CCSER1: variants seen among roughly 807,000 people sequenced by gnomAD.
CCSER1 encodes the protein coiled-coil serine rich protein 1.
Under a neutral mutation model 82.0 loss-of-function variants are expected in CCSER1, and 41 were observed. The ratio of observed to expected loss-of-function variants is 0.50; its 90% CI spans 0.39 to 0.65. The LOEUF (loss-of-function observed/expected upper bound fraction) is 0.65, where lower values mean the gene tolerates loss of function less well. Among genes scored for constraint, CCSER1 ranks in the 30% least tolerant of loss-of-function variants. CCSER1 has a pLI of 0.00. For missense variants in CCSER1, 1,119 were observed against 1,064.2 expected (o/e 1.05, Z -0.72); for synonymous variants, 414 against 383.9 (o/e 1.08, Z -0.92).
intron 7 of CCSER1, among the ~76,000 whole-genome samples, chr4:90,805,554 A>G (rs908338593): frequency 6.6e-6 from 1 of 152,194 alleles, no homozygotes; most frequent in African/African-American, 2.4e-5. Context: ...AGTCAATAAG[A>G]CTAGCCAAGA....
chr4:90,251,260 G>T (rs1022467849), intron 1 of CCSER1, among the ~76,000 whole-genome samples: 1 of 151,646 alleles, frequency 6.6e-6, no homozygotes, highest in Non-Finnish European at 1.5e-5. Context: ...AGAATGTTCG[G>T]TATAATAATG....
chr4:91,386,079 T>C (rs1751266508), intron 10 of CCSER1, among the ~76,000 whole-genome samples: 3 of 151,618 alleles, frequency 2.0e-5, no homozygotes, highest in Admixed American at 2.0e-4. Context: ...CCAAGAATAA[T>C]GAGCACTTTT....
chr4:90,347,348 T>TCTATCTATCTAC (rs1371852287), intron 3 of CCSER1, among the ~76,000 whole-genome samples: 1 of 151,532 alleles, frequency 6.6e-6, no homozygotes. Context: ...TATCTATCTA[T>TCTATCTATCTAC]CTATATACTT....
intron 6 of CCSER1, among the ~76,000 whole-genome samples, chr4:90,664,111 C>A (rs991243182): frequency 6.6e-6 from 1 of 151,924 alleles, no homozygotes; most frequent in Non-Finnish European, 1.5e-5. Flanking sequence ...TGTATGAGAC[C>A]GGCTTTTAAG....
intron 8 of CCSER1, among the ~76,000 whole-genome samples, chr4:90,851,874 C>T (rs1005254624): frequency 6.6e-6 from 1 of 152,066 alleles, no homozygotes; most frequent in Non-Finnish European, 1.5e-5. Context: ...TAATATTACT[C>T]CTCAGTTTTT....
chr4:91,340,659 TATAG>T (rs1420586773), intron 10 of CCSER1, among the ~76,000 whole-genome samples: 1 of 152,126 alleles, frequency 6.6e-6, no homozygotes, highest in African/African-American at 2.4e-5. Context: ...GATAATATAT[TATAG>T]ATAATTACAG....
intron 7 of CCSER1, among the ~76,000 whole-genome samples, chr4:90,794,845 G>A (rs543119694): frequency 2.6e-5 from 4 of 152,094 alleles, no homozygotes; most frequent in Non-Finnish European, 4.4e-5. Flanking sequence ...TGATTTCTTC[G>A]AGAAGTGTTT....
At chr4:91,464,960 AAC>A (rs778308175) in intron 10 of CCSER1, among the ~76,000 whole-genome samples, 5 of 152,300 alleles carry the variant, frequency 3.3e-5, no homozygotes, top group African/African-American at 4.8e-5. Flanking sequence ...ACAGAAAGTG[AAC>A]AAGGATATCC....
chr4:90,461,601 A>G (rs1399808285), intron 4 of CCSER1, among the ~76,000 whole-genome samples: 2 of 152,102 alleles, frequency 1.3e-5, no homozygotes, highest in Non-Finnish European at 2.9e-5. Flanking sequence ...CAATATATAT[A>G]TAACATTTTC....
At chr4:91,168,646 T>A (rs1217864555) in intron 10 of CCSER1, among the ~76,000 whole-genome samples, 1 of 151,902 alleles carries the variant, frequency 6.6e-6, no homozygotes, top group African/African-American at 2.4e-5. Context: ...TTCTGGGAAG[T>A]GAGGAGTGCC....
intron 10 of CCSER1, among the ~76,000 whole-genome samples, chr4:91,331,713 T>G (rs747865397): frequency 2.0e-5 from 3 of 152,130 alleles, no homozygotes; most frequent in Non-Finnish European, 4.4e-5. Context: ...TAAAAAGATG[T>G]CAATTGATAA....
In CCSER1 at chr4:90,740,654, AATAATGG is replaced by A. The variant is rs1561050623; in HGVS notation, c.2010+16664_2010+16670del. Among the ~76,000 whole-genome samples the A allele has an allele frequency of 2.0e-5, 3 of 152,176 alleles. No individual in the cohort carries two copies. In the East Asian group the frequency reaches 5.8e-4, roughly 29 times the overall value. ...CTTGTCAACATTAATACATACTAAA[AATAATGG>A]CATACCTCTTCTTCCTTCTACAGTT... is the stretch of plus-strand genomic sequence containing the variant. On this transcript the variant is annotated intron_variant, in intron 7 of 10. Coordinates refer to ENST00000509176, the MANE Select transcript of CCSER1 (RefSeq NM_001145065.2).
intron 3 of CCSER1, among the ~76,000 whole-genome samples, chr4:90,343,050 A>G (rs183276543): frequency 3.5e-4 from 53 of 151,986 alleles, no homozygotes; most frequent in African/African-American, 1.2e-3. Context: ...TCAATTCTCA[A>G]TTGATGATAA....
chr4:90,710,329 T>A (rs2149321581), intron 6 of CCSER1, among the ~76,000 whole-genome samples: 1 of 152,262 alleles, frequency 6.6e-6, no homozygotes. Context: ...AGTTCTTTAG[T>A]TTAATTACAT....
At chr4:90,332,372 G>T (rs1739465581) in intron 3 of CCSER1, among the ~76,000 whole-genome samples, 1 of 152,022 alleles carries the variant, frequency 6.6e-6, no homozygotes, top group South Asian at 2.1e-4. Flanking sequence ...ACGTAGCTGG[G>T]ATTACAAGCG....
chr4:90,562,852 TAAA>T (rs200689531), intron 5 of CCSER1, among the ~76,000 whole-genome samples: 15 of 137,304 alleles, frequency 1.1e-4, no homozygotes, highest in African/African-American at 3.5e-4. Context: ...TTTTTTTTTT[TAAA>T]AAAAAAAAAA....
chr4:91,385,869 G>A (rs954133736), intron 10 of CCSER1, among the ~76,000 whole-genome samples: 1 of 151,944 alleles, frequency 6.6e-6, no homozygotes, highest in African/African-American at 2.4e-5. Context: ...TGGAATTAAT[G>A]TTATCAGTAA....
rs893985645 is a variant in CCSER1 at position 91,599,217 on chromosome 4, G to GTT, written c.*169_*170dup. ...CTTAGTCATAAACAAAGACTTGTGGGTTTTTTTTTTCCAAGAGTGAAAGTT... is the reference window on the plus strand; with the variant it reads ...CTTAGTCATAAACAAAGACTTGTGGGTTTTTTTTTTTTCCAAGAGTGAAAGTT... On this transcript the variant is annotated 3_prime_UTR_variant, in exon 11 of 11. Transcript: ENST00000509176. 2.4e-5 allele frequency: 20 copies of GTT among 826,310 alleles called. No individual in the cohort carries two copies. Among genetic ancestry groups the GTT allele is most frequent in the East Asian group, 3.1e-5 (1 of 32,036 alleles). 51.2% of individuals were successfully genotyped at this position (826,310 alleles called of 1,614,324 possible).
chr4:90,754,929 C>A (rs1561077660), intron 7 of CCSER1, among the ~76,000 whole-genome samples: 1 of 152,120 alleles, frequency 6.6e-6, no homozygotes, highest in Admixed American at 6.6e-5. Flanking sequence ...ACATTCTGCT[C>A]CCCTTTCCTC....
Sources: gnomAD v4.1 joint callset for allele counts (sites outside exome capture counted in the v4.1 genomes callset) on GRCh38, gnomAD v4.1.1 for gene constraint, MANE v1.5 for transcripts, NCBI Gene and HGNC (gene_info 2026-07-23, HGNC 2026-07-21) for gene names.